The following OSMR variants were observed in gnomAD, a reference collection of about 807,000 sequenced individuals.
The protein encoded by OSMR is oncostatin M receptor, also known as oncostatin-M-specific receptor subunit beta.
OSMR carries 81 observed loss-of-function variants against 99.9 expected under a neutral mutation model. The ratio of observed to expected loss-of-function variants is 0.81; its 90% confidence interval spans 0.68 to 0.97. OSMR has a LOEUF of 0.97. Among genes scored for constraint, OSMR ranks in the 50% least tolerant of loss-of-function variants. The pLI is 0.00. For synonymous variants in OSMR, 406 were observed against 410.4 expected, an observed-to-expected ratio of 0.99 and a Z score of 0.13; for missense variants, 1,099 against 1,153.4, an observed-to-expected ratio of 0.95 and a Z score of 0.68.
At chr5:38,870,330 CTTTTTTTTTTT>C (rs374861159) in intron 2 of OSMR, among the ~76,000 whole-genome samples, 2 of 115,140 alleles carry the variant, frequency 1.7e-5, no homozygotes, top group South Asian at 2.7e-4. Flanking sequence ...GAATGATTTT[CTTTTTTTTTTT>C]TTTTTTTTGA....
intron 1 of OSMR, among the ~76,000 whole-genome samples, chr5:38,852,718 ATTTTTTTTTTTTTTT>A (rs61559728): frequency 9.9e-5 from 7 of 70,678 alleles, no homozygotes; most frequent in Non-Finnish European, 1.3e-4. Context: ...TATTGTTTTC[ATTTTTTTTTTTTTTT>A]TTTTTTTTTT....
At chr5:38,861,779 GC>G (rs1207897131) in intron 1 of OSMR, among the ~76,000 whole-genome samples, 3 of 150,838 alleles carry the variant, frequency 2.0e-5, no homozygotes, top group African/African-American at 7.3e-5. Flanking sequence ...GGACGGGGCG[GC>G]TGGCCGGGCA....
chr5:38,885,062 G>A lies in OSMR; in HGVS notation c.704-287G>A, dbSNP rs72635254. The A allele has an allele frequency of 7.8e-3, 2,782 of 355,304 alleles. 61 individuals carry two copies. Among genetic ancestry groups the A allele is most frequent in the East Asian group, 0.052 (308 of 5,948 alleles). 22.0% of individuals were successfully genotyped at this position (355,304 alleles called of 1,614,324 possible). On this transcript the variant is annotated intron_variant, in intron 5 of 17. Coordinates refer to ENST00000274276, the MANE Select transcript of OSMR (RefSeq NM_003999.3). ...CGAAATGAAACATTGGCAGGCACTG[G>A]GGATACAACCCTTGTCAAATGGACA...
chr5:38,895,274 C>T (rs1051446066), intron 7 of OSMR, among the ~76,000 whole-genome samples: 34 of 151,718 alleles, frequency 2.2e-4, no homozygotes, highest in Non-Finnish European at 4.6e-4. Context: ...AAATTGAGAC[C>T]CCAAAACCCA....
At chr5:38,863,708 T>G (rs115277096) in intron 1 of OSMR, among the ~76,000 whole-genome samples, 9,828 of 152,258 alleles carry the variant, frequency 0.065, 848 homozygotes, top group East Asian at 0.46. Context: ...TCAGTGTTTC[T>G]TTGTTAATTT....
At chr5:38,903,618 C>G (rs961715896) in intron 7 of OSMR, 2 of 230,364 alleles carry the variant, frequency 8.7e-6, no homozygotes, top group African/African-American at 4.7e-5. Flanking sequence ...GACTCCCCTT[C>G]CCAATTTGCC....
At chr5:38,926,177 A>G (rs1196955869) in intron 15 of OSMR, among the ~76,000 whole-genome samples, 2 of 152,214 alleles carry the variant, frequency 1.3e-5, no homozygotes, top group Non-Finnish European at 2.9e-5. Context: ...GGCACCCATG[A>G]AAAGCAAATA....
At chr5:38,880,688 T>C (rs1743209118) in intron 3 of OSMR, among the ~76,000 whole-genome samples, 1 of 152,210 alleles carries the variant, frequency 6.6e-6, no homozygotes, top group Non-Finnish European at 1.5e-5. Context: ...AAGACAGGTC[T>C]GAAAGCATAA....
chr5:38,917,721 C>T (rs542381066), intron 10 of OSMR, 99 bp downstream of exon 10: 13 of 927,088 alleles, frequency 1.4e-5, no homozygotes, highest in Non-Finnish European at 2.3e-5. Context: ...GGTTCAGTGT[C>T]CCAACTGGGA....
chr5:38,923,135 A>T lies in OSMR; in HGVS notation c.1766-15A>T. The T allele has an allele frequency of 6.2e-7, 1 of 1,612,414 alleles. No individual in the cohort carries two copies. The highest frequency in any genetic ancestry group is 2.2e-5 in the East Asian group (1 of 44,848). On this transcript the variant is annotated splice_polypyrimidine_tract_variant and intron_variant, in intron 12 of 17. Coordinates refer to ENST00000274276, the MANE Select transcript of OSMR (RefSeq NM_003999.3). Reference sequence around the variant, plus strand: ...TCATTCTGTTATTAAAAATCTGTTGACTTTTTTTCCCTAGATGCTTTTAGG... The same window carrying T: ...TCATTCTGTTATTAAAAATCTGTTGTCTTTTTTTCCCTAGATGCTTTTAGG...
chr5:38,904,519 G>A lies in OSMR; in HGVS notation c.1285+16G>A. 6.2e-7 allele frequency: 1 copy of A among 1,614,078 alleles called. No homozygotes were observed. Among genetic ancestry groups the A allele is most frequent in the Non-Finnish European group, 8.5e-7 (1 of 1,179,996 alleles). ...CTTGAAGCTGGTATGTTCAGCCCCTGGCATTTAACCCAAAGAAGTAGGTCT... is the reference window on the plus strand; with the variant it reads ...CTTGAAGCTGGTATGTTCAGCCCCTAGCATTTAACCCAAAGAAGTAGGTCT... On this transcript the variant is annotated intron_variant, in intron 9 of 17. Coordinates refer to ENST00000274276, the MANE Select transcript of OSMR (RefSeq NM_003999.3).
At chr5:38,859,861 C>G (rs1340075010) in intron 1 of OSMR, among the ~76,000 whole-genome samples, 1 of 152,046 alleles carries the variant, frequency 6.6e-6, no homozygotes, top group African/African-American at 2.4e-5. Context: ...GGATTGCTTT[C>G]TTGATATCTT....
At chr5:38,861,875 T>G (rs1333935340) in intron 1 of OSMR, among the ~76,000 whole-genome samples, 13 of 125,274 alleles carry the variant, frequency 1.0e-4, no homozygotes, top group Non-Finnish European at 2.0e-4. Flanking sequence ...GGCGGGGGGC[T>G]GACCCCCCCA....
intron 9 of OSMR, among the ~76,000 whole-genome samples, chr5:38,910,163 C>T (rs926151658): frequency 6.6e-6 from 1 of 152,188 alleles, no homozygotes; most frequent in African/African-American, 2.4e-5. Context: ...TTCAATTCAA[C>T]AAGAAGACTT....
At chr5:38,883,686 T>C (rs1743477968) in intron 4 of OSMR, 141 bp from the exon 5 acceptor site, 1 of 1,532,772 alleles carries the variant, frequency 6.5e-7, no homozygotes, top group Admixed American at 2.0e-5. Flanking sequence ...AGGGTAGAGG[T>C]TTGGCAGAGA....
chr5:38,857,929 A>G (rs905291703), intron 1 of OSMR, among the ~76,000 whole-genome samples: 1 of 152,106 alleles, frequency 6.6e-6, no homozygotes, highest in African/African-American at 2.4e-5. Context: ...CAGCCTCCCA[A>G]AATGCTGGGA....
chr5:38,871,466 C>T (rs758312706), intron 2 of OSMR, among the ~76,000 whole-genome samples: 1 of 152,220 alleles, frequency 6.6e-6, no homozygotes, highest in African/African-American at 2.4e-5. Context: ...CTGCATTTAA[C>T]CAAGTACTTA....
At chr5:38,928,720 C>T (rs1410232151) in intron 15 of OSMR, among the ~76,000 whole-genome samples, 1 of 152,140 alleles carries the variant, frequency 6.6e-6, no homozygotes, top group African/African-American at 2.4e-5. Flanking sequence ...GTGGTGCTGA[C>T]TGCATGTTGA....
chr5:38,874,312 C>T (rs908762656), intron 2 of OSMR, among the ~76,000 whole-genome samples: 14 of 152,114 alleles, frequency 9.2e-5, no homozygotes, highest in African/African-American at 2.4e-4. Flanking sequence ...ATGGAATTCA[C>T]GCTGAGATTA....
Sources: allele counts gnomAD v4.1 joint callset (sites outside exome capture counted in the v4.1 genomes callset), GRCh38; gene constraint gnomAD v4.1.1; transcripts MANE v1.5; gene names NCBI Gene and HGNC (gene_info 2026-07-23, HGNC 2026-07-21).